The following VSTM4 variants were observed in gnomAD, a reference collection of about 807,000 sequenced individuals.
VSTM4 encodes the protein V-set and transmembrane domain-containing protein 4.
In VSTM4, 20 loss-of-function variants were observed where a neutral mutation model predicts 36.4. The observed-to-expected ratio is 0.55, with a 90% confidence interval of 0.39 to 0.80. The LOEUF (loss-of-function observed/expected upper bound fraction) is 0.80, where lower values mean the gene tolerates loss of function less well. Ranked by LOEUF, VSTM4 falls within the 30% of genes least tolerant of loss-of-function variation. The pLI is 0.00. For synonymous variants in VSTM4, 182 were observed against 173.9 expected (o/e 1.05, Z -0.37); for missense variants, 392 against 404.5 (o/e 0.97, Z 0.26).
At chr10:49,091,703 C>G (rs1844477922) in intron 2 of VSTM4, among the ~76,000 whole-genome samples, 1 of 152,184 alleles carries the variant, frequency 6.6e-6, no homozygotes, top group Non-Finnish European at 1.5e-5. Context: ...CCCCCATTCA[C>G]CAAGGACGCT....
intron 7 of VSTM4, among the ~76,000 whole-genome samples, chr10:49,025,599 C>T (rs1843248507): frequency 6.6e-6 from 1 of 152,208 alleles, no homozygotes; most frequent in South Asian, 2.1e-4. Flanking sequence ...ACACAAACCT[C>T]CAGCTTTCTG....
chr10:49,089,108 TAA>T (rs1564590055), intron 2 of VSTM4, among the ~76,000 whole-genome samples: 2 of 152,244 alleles, frequency 1.3e-5, no homozygotes. Context: ...TGTCCTTGGA[TAA>T]GTCACTTAAT....
intron 2 of VSTM4, among the ~76,000 whole-genome samples, chr10:49,093,620 T>C (rs7096516): frequency 0.12 from 18,401 of 152,178 alleles, 1,745 homozygotes; most frequent in African/African-American, 0.26. Context: ...CTATGGAATG[T>C]GTGGCTTTAA....
chr10:49,069,129 T>A (rs1844027659), intron 4 of VSTM4, among the ~76,000 whole-genome samples: 1 of 151,526 alleles, frequency 6.6e-6, no homozygotes, highest in South Asian at 2.1e-4. Flanking sequence ...GTCTTCCCCA[T>A]CTAGACCTGT....
chr10:49,110,289 A>G (rs1490440301), intron 1 of VSTM4, among the ~76,000 whole-genome samples: 1 of 152,200 alleles, frequency 6.6e-6, no homozygotes, highest in Non-Finnish European at 1.5e-5. Context: ...GGATGTGCCA[A>G]GTGCTCCAGT....
chr10:49,084,095 T>C (rs370735968), intron 3 of VSTM4, among the ~76,000 whole-genome samples: 49 of 152,304 alleles, frequency 3.2e-4, no homozygotes, highest in African/African-American at 1.2e-3. Context: ...CAAACATCAA[T>C]GGGGTTGCCT....
intron 4 of VSTM4, among the ~76,000 whole-genome samples, chr10:49,069,081 G>A (rs892363345): frequency 2.0e-5 from 3 of 151,962 alleles, no homozygotes; most frequent in African/African-American, 7.3e-5. Flanking sequence ...TCACCCCATG[G>A]CAAACCTCCC....
intron 1 of VSTM4, among the ~76,000 whole-genome samples, chr10:49,113,422 G>A (rs72785060): frequency 0.14 from 20,843 of 152,104 alleles, 1,929 homozygotes; most frequent in Non-Finnish European, 0.21. Context: ...AATACCTGCC[G>A]GGTACAAACT....
chr10:49,037,986 T>G (rs775141126), intron 7 of VSTM4, among the ~76,000 whole-genome samples: 3 of 150,052 alleles, frequency 2.0e-5, no homozygotes, highest in Non-Finnish European at 4.4e-5. Flanking sequence ...TATGAAGAAA[T>G]TGAAACCCTG....
intron 7 of VSTM4, among the ~76,000 whole-genome samples, chr10:49,044,505 G>A (rs1448857038): frequency 7.1e-6 from 1 of 141,780 alleles, no homozygotes; most frequent in African/African-American, 2.6e-5. Flanking sequence ...AAAGAAGGAA[G>A]GAAGGAGAAA....
At chr10:49,114,582 C>G (rs936272199) in intron 1 of VSTM4, among the ~76,000 whole-genome samples, 3 of 111,390 alleles carry the variant, frequency 2.7e-5, no homozygotes, top group African/African-American at 1.4e-4. Flanking sequence ...TAACCAAGTT[C>G]ATGTTTTTTT....
chr10:49,083,730 C>T (rs574370398), intron 3 of VSTM4, among the ~76,000 whole-genome samples: 1 of 152,322 alleles, frequency 6.6e-6, no homozygotes, highest in East Asian at 1.9e-4. Context: ...CTGTTAATTG[C>T]ACAAAGGGTT....
rs900077635 is a variant in VSTM4 at position 49,017,537 on chromosome 10, C to T, written c.*2113G>A. 5 of 152,254 alleles carry T rather than the reference C, an allele frequency of 3.3e-5. No homozygotes were observed. Among genetic ancestry groups the T allele is most frequent in the Non-Finnish European group, 5.9e-5 (4 of 68,054 alleles). The allele number at this position is 152,254 out of a possible 1,614,324, so 9.4% of individuals were successfully genotyped here. A position where few individuals can be genotyped will look rare whatever the true frequency, so the allele number is the denominator to read the frequency against. ...CTACTAGCTCTTAAGAGCATGTGTTCTTGGTAGAATGTGTTCCTGTCCATG... is the reference window on the plus strand; with the variant it reads ...CTACTAGCTCTTAAGAGCATGTGTTTTTGGTAGAATGTGTTCCTGTCCATG... On this transcript the variant is annotated 3_prime_UTR_variant, in exon 8 of 8. Coordinates refer to ENST00000332853, the MANE Select transcript of VSTM4 (RefSeq NM_001031746.5).
At chr10:49,037,258 C>T (rs978812648) in intron 7 of VSTM4, among the ~76,000 whole-genome samples, 8 of 152,214 alleles carry the variant, frequency 5.3e-5, no homozygotes, top group African/African-American at 1.7e-4. Flanking sequence ...GTCGACCCCA[C>T]CAGAGGTGCC....
intron 7 of VSTM4, 131 bp downstream of exon 7, chr10:49,046,852 G>A: frequency 1.1e-6 from 1 of 876,266 alleles, no homozygotes. Context: ...TGAGAATAGA[G>A]AATGTTTTTG....
At position 49,025,331 on chromosome 10, in the gene VSTM4, G is replaced by A. The variant is rs187942890; in HGVS notation, c.838-5556C>T. ...GGGAGATGAGAAGAACTACCTGATAGGGTGGGAGAATATACGAGATTAAGG... is the reference window on the plus strand; with the variant it reads ...GGGAGATGAGAAGAACTACCTGATAAGGTGGGAGAATATACGAGATTAAGG... On this transcript the variant is annotated intron_variant, in intron 7 of 7. Coordinates refer to ENST00000332853, the MANE Select transcript of VSTM4 (RefSeq NM_001031746.5). Among the ~76,000 whole-genome samples, 5 of 152,296 alleles carry A rather than the reference G, an allele frequency of 3.3e-5. No individual in the cohort carries two copies. The East Asian group carries it at 9.7e-4, about 29-fold the overall frequency.
In VSTM4 at chr10:49,016,072, C is replaced by T. The variant is rs1376978701; in HGVS notation, c.*3578G>A. 1 of 152,176 alleles carries T rather than the reference C, an allele frequency of 6.6e-6. No homozygotes were observed. Among genetic ancestry groups the T allele is most frequent in the Non-Finnish European group, 1.5e-5 (1 of 68,048 alleles). 9.4% of individuals were successfully genotyped at this position (152,176 alleles called of 1,614,324 possible). On this transcript the variant is annotated 3_prime_UTR_variant, in exon 8 of 8. Coordinates refer to ENST00000332853, the MANE Select transcript of VSTM4 (RefSeq NM_001031746.5). ...CAGGAGCTCAGGGGCTGCAATGCAG[C>T]CACTGGGTGTGACCTAATTGGGCAC...
intron 5 of VSTM4, among the ~76,000 whole-genome samples, chr10:49,050,412 A>T (rs1421425238): frequency 6.6e-6 from 1 of 152,232 alleles, no homozygotes; most frequent in African/African-American, 2.4e-5. Context: ...CATGGGTAAT[A>T]AGAGATAGGC....
chr10:49,111,046 C>T (rs1844885123), intron 1 of VSTM4, among the ~76,000 whole-genome samples: 1 of 152,152 alleles, frequency 6.6e-6, no homozygotes, highest in African/African-American at 2.4e-5. Flanking sequence ...TTGTGGGGTC[C>T]CTGTGCCTGT....
Sources: allele counts gnomAD v4.1 joint callset (sites outside exome capture counted in the v4.1 genomes callset), GRCh38; gene constraint gnomAD v4.1.1; transcripts MANE v1.5; gene names NCBI Gene and HGNC (gene_info 2026-07-23, HGNC 2026-07-21).